The following C7orf57 variants were observed in gnomAD, a reference collection of about 807,000 sequenced individuals.
C7orf57 encodes chromosome 7 open reading frame 57.
In C7orf57, 33 loss-of-function variants were observed where a neutral mutation model predicts 39.0. The observed-to-expected ratio is 0.85, with a 90% CI of 0.64 to 1.13. The LOEUF (loss-of-function observed/expected upper bound fraction) is 1.13, where lower values mean the gene tolerates loss of function less well. C7orf57 is among the 50% of genes most tolerant of loss of function. The pLI, the probability that C7orf57 is intolerant of heterozygous loss-of-function variation, is 0.00. For synonymous variants in C7orf57, 124 were observed against 137.1 expected (o/e 0.90, Z 0.67); for missense variants, 346 against 362.3 (o/e 0.95, Z 0.37).
chr7:48,059,630 C>G lies in C7orf57; in HGVS notation c.842-596C>G, dbSNP rs568729721. Among the ~76,000 whole-genome samples, 5 of 152,314 alleles carry G rather than the reference C, an allele frequency of 3.3e-5. No individual in the cohort carries two copies. In the East Asian group the frequency reaches 5.8e-4, roughly 18 times the overall value. On this transcript the variant is annotated intron_variant, in intron 8 of 8. Coordinates refer to ENST00000348904, the MANE Select transcript of C7orf57 (RefSeq NM_001100159.3). ...CCTCCCACAGTGTTGGGTTTATAGG[C>G]GTGAGCCACCACACCCAGCCTAAGG... is the stretch of plus-strand genomic sequence containing the variant.
At chr7:48,042,458 G>C (rs747124863) in intron 3 of C7orf57, among the ~76,000 whole-genome samples, 1 of 152,132 alleles carries the variant, frequency 6.6e-6, no homozygotes, top group Non-Finnish European at 1.5e-5. Flanking sequence ...TGAGGTATAG[G>C]GGGAGGACTG....
In C7orf57 at chr7:48,051,868, T is replaced by C. The variant is rs796812197; in HGVS notation, c.606-832T>C. ...CTTTCTTTCTTTCTTTCTTTCTTTC[T>C]TTCTCTTTCTCTTTCTTTCTTTCCT... On this transcript the variant is annotated intron_variant, in intron 6 of 8. Transcript: ENST00000348904. Among the ~76,000 whole-genome samples the C allele has an allele frequency of 2.2e-3, 125 of 58,002 alleles. 8 individuals carry two copies. The highest frequency in any genetic ancestry group is 5.2e-3 in the African/African-American group (65 of 12,546). 38.1% of individuals were successfully genotyped at this position (58,002 alleles called of 152,430 possible). A position where few individuals can be genotyped will look rare whatever the true frequency, so the allele number is the denominator to read the frequency against.
Position 48,049,950 on chromosome 7 carries a change from C to A in C7orf57, c.578C>A (p.Ala193Glu). Residue 193 changes from alanine (A) to glutamate (E), a missense_variant, in exon 6 of 9, where the codon GCA becomes GAA. Physicochemically the swap from Ala to Glu is moderately radical, Grantham distance 107. Transcript: ENST00000348904. ...AGTPLGPKNPAGSRLSFPPVP... is the reference protein window; with the variant it reads ...AGTPLGPKNPEGSRLSFPPVP... ...ACCCCACTTGGCCCTAAGAATCCTG[C>A]AGGAAGTAGACTCTCCTTCCCCCCC... 1 of 1,612,656 alleles carries A rather than the reference C, an allele frequency of 6.2e-7. No individual in the cohort carries two copies.
At position 48,051,831 on chromosome 7, in the gene C7orf57, CTTT is replaced by C. The variant is rs1562630100; in HGVS notation, c.606-868_606-866del. On this transcript the variant is annotated intron_variant, in intron 6 of 8. Transcript: ENST00000348904. ...CCTTTTCTCTTCTCTTTCTTTCTTT[CTTT>C]CTTTCTTTCTTTCTTTCTTTCTTTC... Among the ~76,000 whole-genome samples the C allele has an allele frequency of 5.2e-3, 230 of 44,532 alleles. 5 individuals are homozygous for C. Among genetic ancestry groups the C allele is most frequent in the Admixed American group, 0.01 (42 of 4,118 alleles). The allele number at this position is 44,532 out of a possible 152,430, so 29.2% of individuals were successfully genotyped here.
chr7:48,036,931 G>T (rs983260433), intron 2 of C7orf57, among the ~76,000 whole-genome samples: 4 of 148,438 alleles, frequency 2.7e-5, no homozygotes, highest in East Asian at 3.9e-4. Context: ...TGTCTTCTGG[G>T]TTTTTTTTTT....
rs368758672 is a variant in C7orf57, at chr7:48,051,750, TTTTCTTTCTTTCTTTC to T, written c.606-917_606-902del. Among the ~76,000 whole-genome samples the T allele has an allele frequency of 6.3e-3, 347 of 54,686 alleles. 20 individuals carry two copies. The highest frequency in any genetic ancestry group is 0.022 in the Middle Eastern group (2 of 90). 35.9% of individuals were successfully genotyped at this position (54,686 alleles called of 152,430 possible). A position where few individuals can be genotyped will look rare whatever the true frequency, so the allele number is the denominator to read the frequency against. On this transcript the variant is annotated intron_variant, in intron 6 of 8. Transcript: ENST00000348904. ...TCTCTTTTTCTTTTCTTTCTTTTTC[TTTTCTTTCTTTCTTTC>T]TTTCTTTCTTTCTTTCTTTCTTTCT...
chr7:48,049,083 T>G (rs1231813826), intron 5 of C7orf57, among the ~76,000 whole-genome samples: 1 of 152,042 alleles, frequency 6.6e-6, no homozygotes, highest in Non-Finnish European at 1.5e-5. Flanking sequence ...CCCAGAGAGA[T>G]TCCAACCCAG....
chr7:48,041,663 G>T (rs1235211191), intron 3 of C7orf57, 144 bp downstream of exon 3: 8 of 604,036 alleles, frequency 1.3e-5, no homozygotes, highest in Non-Finnish European at 2.2e-5. Context: ...TTAATTAGGT[G>T]TAGGGATGAG....
intron 6 of C7orf57, among the ~76,000 whole-genome samples, chr7:48,051,819 CT>C (rs200429839): frequency 0.058 from 669 of 11,460 alleles, 39 homozygotes; most frequent in African/African-American, 0.19. Context: ...TTTCTCTTCT[CT>C]TTCTTTCTTT....
chr7:48,051,750 T>TTTTTC lies in C7orf57; in HGVS notation c.606-947_606-946insTCTTT, dbSNP rs1491231415. ...TCTCTTTTTCTTTTCTTTCTTTTTC[T>TTTTTC]TTTCTTTCTTTCTTTCTTTCTTTCT... On this transcript the variant is annotated intron_variant, in intron 6 of 8. Coordinates refer to ENST00000348904, the MANE Select transcript of C7orf57 (RefSeq NM_001100159.3). Among the ~76,000 whole-genome samples, 20 of 54,688 alleles carry TTTTTC rather than the reference T, an allele frequency of 3.7e-4. 1 individual carries two copies. Among genetic ancestry groups the TTTTTC allele is most frequent in the African/African-American group, 1.1e-3 (20 of 18,852 alleles). 35.9% of individuals were successfully genotyped at this position (54,688 alleles called of 152,430 possible).
At chr7:48,054,653 A>G (rs372559234) in intron 8 of C7orf57, 47 bp downstream of exon 8, 3 of 1,508,722 alleles carry the variant, frequency 2.0e-6, no homozygotes, top group Non-Finnish European at 2.7e-6. Flanking sequence ...AAAGTCTTAC[A>G]CAAAGAAATT....
intron 6 of C7orf57, among the ~76,000 whole-genome samples, chr7:48,050,607 T>C (rs1004010474): frequency 2.6e-5 from 4 of 152,204 alleles, no homozygotes; most frequent in African/African-American, 9.7e-5. Context: ...ACAAATGCCA[T>C]GAGAGCACCA....
chr7:48,056,224 C>CT (rs927312219), intron 8 of C7orf57, among the ~76,000 whole-genome samples: 1 of 152,016 alleles, frequency 6.6e-6, no homozygotes, highest in Non-Finnish European at 1.5e-5. Context: ...TGATTTTGAG[C>CT]TTTTTTGTAT....
chr7:48,050,052 C>A (rs1467640330), intron 6 of C7orf57, 75 bp downstream of exon 6: 1 of 972,902 alleles, frequency 1.0e-6, no homozygotes, highest in Non-Finnish European at 1.6e-6. Flanking sequence ...CCGGTGATGA[C>A]TGCGCTAGTG....
At chr7:48,036,177 C>T (rs1416369405) in intron 1 of C7orf57, 31 bp from the exon 2 acceptor site, 6 of 925,062 alleles carry the variant, frequency 6.5e-6, no homozygotes, top group Non-Finnish European at 1.0e-5. Flanking sequence ...CAGACCGACC[C>T]AGAGCGGGCG....
At chr7:48,060,139 A>G (rs1394359021) in intron 8 of C7orf57, 87 bp from the exon 9 acceptor site, 1 of 867,070 alleles carries the variant, frequency 1.2e-6, no homozygotes, top group Non-Finnish European at 1.8e-6. Flanking sequence ...GTACAAAACT[A>G]TGTGTTTTCT....
rs1791260485 is a variant in C7orf57 at position 48,060,447 on chromosome 7, G to GT, written c.*178dup. 4.2e-6 allele frequency: 2 copies of GT among 478,636 alleles called. No individual in the cohort carries two copies. The highest frequency in any genetic ancestry group is 7.7e-6 in the Non-Finnish European group (2 of 259,698). 29.6% of individuals were successfully genotyped at this position (478,636 alleles called of 1,614,324 possible). The stretch of plus-strand genomic sequence containing the variant: ...ATAGAAGGGGCAGGTGTTGGTTTTT[G>GT]TTTCTTGCATTTCTCTGGGATGTGA... On this transcript the variant is annotated 3_prime_UTR_variant, in exon 9 of 9. Coordinates refer to ENST00000348904, the MANE Select transcript of C7orf57 (RefSeq NM_001100159.3).
At chr7:48,053,700 C>T (rs1347749745) in intron 7 of C7orf57, among the ~76,000 whole-genome samples, 2 of 152,174 alleles carry the variant, frequency 1.3e-5, no homozygotes, top group Admixed American at 1.3e-4. Flanking sequence ...ATTCTTTTGC[C>T]TCTGCCTTGC....
rs202087899 is a variant in C7orf57, at chr7:48,046,436, T to C, written c.351-24T>C. On this transcript the variant is annotated intron_variant, in intron 4 of 8. Transcript: ENST00000348904. The stretch of plus-strand genomic sequence containing the variant: ...GTGGAAATGGCTCTGAGCACCAGGC[T>C]GTAACTGGTGTCTGTCCTTGCAGAG... 84 of 1,604,906 alleles carry C rather than the reference T, an allele frequency of 5.2e-5. No homozygotes were observed. The African/African-American group carries it at 1.0e-3, about 20-fold the overall frequency.
Sources: allele counts gnomAD v4.1 joint callset (sites outside exome capture counted in the v4.1 genomes callset), GRCh38; gene constraint gnomAD v4.1.1; transcripts MANE v1.5; gene names NCBI Gene and HGNC (gene_info 2026-07-23, HGNC 2026-07-21).